Variants in TPTE2 observed in about 807,000 individuals in gnomAD.
TPTE2 encodes the protein transmembrane phosphoinositide 3-phosphatase and tensin homolog 2.
TPTE2 carries 53 observed loss-of-function variants against 78.6 expected under a neutral mutation model. The observed-to-expected ratio is 0.67, with a 90% confidence interval of 0.54 to 0.85. TPTE2 has a LOEUF of 0.85. Ranked by LOEUF, TPTE2 falls within the 40% of genes least tolerant of loss-of-function variation. TPTE2 has a pLI of 0.00. For missense variants in TPTE2, 461 were observed against 623.0 expected, an observed-to-expected ratio of 0.74 and a Z score of 2.77; for synonymous variants, 175 against 206.2, an observed-to-expected ratio of 0.85 and a Z score of 1.30.
chr13:19,492,609 T>C (rs1881062023), intron 3 of TPTE2, among the ~76,000 whole-genome samples: 2 of 151,792 alleles, frequency 1.3e-5, no homozygotes, highest in African/African-American at 4.8e-5. Context: ...ATGAGAAGAA[T>C]TGGAAACCTT....
At chr13:19,497,041 C>T (rs549884251) in intron 1 of TPTE2, among the ~76,000 whole-genome samples, 11 of 152,254 alleles carry the variant, frequency 7.2e-5, no homozygotes, top group Middle Eastern at 3.4e-3. Context: ...GGGTGACAGA[C>T]GGCACCTGGA....
intron 5 of TPTE2, 146 bp downstream of exon 8, chr13:19,475,427 T>C (rs983099048): frequency 1.6e-6 from 1 of 644,322 alleles, no homozygotes; most frequent in African/African-American, 1.9e-5. Flanking sequence ...GGTTTCACCA[T>C]GTTAGCCAGG....
At chr13:19,435,755 GAC>G (rs60130804) in intron 15 of TPTE2, among the ~76,000 whole-genome samples, 3,858 of 136,920 alleles carry the variant, frequency 0.028, 92 homozygotes, top group African/African-American at 0.076. Flanking sequence ...ACACAGAAAA[GAC>G]ACACACACAC....
chr13:19,429,089 A>T (rs1876359343), intron 17 of TPTE2, among the ~76,000 whole-genome samples: 1 of 152,238 alleles, frequency 6.6e-6, no homozygotes, highest in African/African-American at 2.4e-5. Flanking sequence ...ACAGATAAAG[A>T]TGTTGAGACA....
chr13:19,538,159 T>C (rs1169300017), upstream of TPTE2, among the ~76,000 whole-genome samples: 1 of 152,224 alleles, frequency 6.6e-6, no homozygotes, highest in Non-Finnish European at 1.5e-5. Flanking sequence ...ATTATGCTTT[T>C]GATATCTTAA....
chr13:19,481,827 T>G (rs1357676442), intron 4 of TPTE2, among the ~76,000 whole-genome samples: 1 of 152,142 alleles, frequency 6.6e-6, no homozygotes, highest in Non-Finnish European at 1.5e-5. Flanking sequence ...ACTTCCTCTA[T>G]GGCAGTACTT....
chr13:19,500,378 G>T (rs1868420375), intron 1 of TPTE2, among the ~76,000 whole-genome samples: 1 of 151,818 alleles, frequency 6.6e-6, no homozygotes, highest in African/African-American at 2.4e-5. Context: ...TATCCTTGAT[G>T]AACATTGATG....
chr13:19,479,801 A>G (rs890695229), intron 4 of TPTE2, among the ~76,000 whole-genome samples: 7 of 152,010 alleles, frequency 4.6e-5, no homozygotes, highest in African/African-American at 1.7e-4. Context: ...ATCTCTACTA[A>G]AAATACAAAA....
At chr13:19,449,965 A>G in intron 13 of TPTE2, 111 bp downstream of exon 16, 1 of 1,105,914 alleles carries the variant, frequency 9.0e-7, no homozygotes, top group Non-Finnish European at 1.3e-6. Context: ...AATATTTAAA[A>G]ATGCTAACAA....
intron 10 of TPTE2, among the ~76,000 whole-genome samples, chr13:19,457,465 A>G (rs989287243): frequency 3.3e-5 from 5 of 152,108 alleles, no homozygotes; most frequent in East Asian, 1.9e-4. Context: ...AGATCATCCC[A>G]TCCCTATGTA....
rs1432298174 is a variant in TPTE2, at chr13:19,426,174, AT to A, written c.1395+250del. ...CTTGGCTTTTACTTTTTTTGTGTTT[AT>A]TTTGTATTTTTTGTATTTGAGAATA... On this transcript the variant is annotated intron_variant, in intron 18 of 19. Transcript: ENST00000400230. 67 of 362,494 alleles carry A rather than the reference AT, an allele frequency of 1.8e-4. 1 individual carries two copies. The highest frequency in any genetic ancestry group is 7.3e-4 in the African/African-American group (33 of 45,096). 22.5% of individuals were successfully genotyped at this position (362,494 alleles called of 1,614,324 possible). A position where few individuals can be genotyped will look rare whatever the true frequency, so the allele number is the denominator to read the frequency against.
chr13:19,461,125 T>C (rs1417117199), intron 10 of TPTE2, among the ~76,000 whole-genome samples: 3 of 151,996 alleles, frequency 2.0e-5, no homozygotes, highest in Admixed American at 6.6e-5. Context: ...CTGAAGAGGA[T>C]TTGCATTGTT....
chr13:19,527,558 C>T (rs1466154750), intron 1 of TPTE2, among the ~76,000 whole-genome samples: 1 of 152,124 alleles, frequency 6.6e-6, no homozygotes, highest in Non-Finnish European at 1.5e-5. Flanking sequence ...AAACATGCTA[C>T]ATGAGAGAAA....
At chr13:19,473,193 C>T (rs1430318257) in intron 6 of TPTE2, among the ~76,000 whole-genome samples, 1 of 152,188 alleles carries the variant, frequency 6.6e-6, no homozygotes, top group Non-Finnish European at 1.5e-5. Flanking sequence ...CCAAGACCTG[C>T]TGTAACCACT....
intron 4 of TPTE2, among the ~76,000 whole-genome samples, chr13:19,477,201 G>T (rs1041413127): frequency 4.0e-5 from 6 of 151,856 alleles, no homozygotes; most frequent in Non-Finnish European, 7.4e-5. Flanking sequence ...AGACACTGGG[G>T]TCTACTTAAG....
At chr13:19,480,970 GCTCATCTACA>G (rs1258176574) in intron 4 of TPTE2, among the ~76,000 whole-genome samples, 1 of 151,838 alleles carries the variant, frequency 6.6e-6, no homozygotes, top group African/African-American at 2.4e-5. Flanking sequence ...ATGAATTATA[GCTCATCTACA>G]CCATGAAATA....
chr13:19,440,685 G>A (rs564108488), intron 13 of TPTE2, among the ~76,000 whole-genome samples: 3 of 152,092 alleles, frequency 2.0e-5, no homozygotes, highest in Admixed American at 6.5e-5. Context: ...CAGGAGAATC[G>A]CTTGAACCCA....
intron 1 of TPTE2, among the ~76,000 whole-genome samples, chr13:19,533,376 A>T (rs1380685384): frequency 1.3e-5 from 2 of 152,256 alleles, no homozygotes; most frequent in Non-Finnish European, 2.9e-5. Flanking sequence ...ATTGATTTTT[A>T]AAATAGTGAT....
chr13:19,462,000 A>G (rs1413516390), intron 10 of TPTE2, among the ~76,000 whole-genome samples: 1 of 147,086 alleles, frequency 6.8e-6, no homozygotes, highest in East Asian at 2.0e-4. Context: ...TGATCTGTTT[A>G]CATTACATTC....
Sources: allele counts gnomAD v4.1 joint callset (sites outside exome capture counted in the v4.1 genomes callset), GRCh38; gene constraint gnomAD v4.1.1; transcripts MANE v1.5; gene names NCBI Gene and HGNC (gene_info 2026-07-23, HGNC 2026-07-21).